The following LRIG3 variants were observed in gnomAD, a reference collection of about 807,000 sequenced individuals.
The protein encoded by LRIG3 is leucine rich repeats and immunoglobulin like domains 3, also known as leucine-rich repeats and immunoglobulin-like domains protein 3.
LRIG3 carries 76 observed loss-of-function variants against 114.5 expected under a neutral mutation model. The observed-to-expected ratio is 0.66, with a 90% CI of 0.55 to 0.80. The LOEUF is 0.80. LRIG3 is among the 30% of genes least tolerant of loss of function. LRIG3 has a pLI of 0.00. For missense variants in LRIG3, 1,239 were observed against 1,382.8 expected (o/e 0.90, Z 1.65); for synonymous variants, 512 against 519.8 (o/e 0.98, Z 0.20).
chr12:58,876,264 A>C (rs924269206), intron 16 of LRIG3, among the ~76,000 whole-genome samples, 181 bp downstream of exon 16: 2 of 152,176 alleles, frequency 1.3e-5, no homozygotes, highest in Non-Finnish European at 2.9e-5. Context: ...ACAAAGATTT[A>C]TTTCTTTCCT....
chr12:58,873,913 C>A (rs1026912866), intron 18 of LRIG3, 142 bp downstream of exon 18: 4 of 957,142 alleles, frequency 4.2e-6, no homozygotes, highest in Non-Finnish European at 6.3e-6. Flanking sequence ...GAGGCATTTA[C>A]ACTAACTAGT....
intron 8 of LRIG3, 61 bp from the exon 9 acceptor site, chr12:58,886,951 C>T (rs1871295646): frequency 9.5e-6 from 12 of 1,269,092 alleles, no homozygotes; most frequent in African/African-American, 1.5e-5. Flanking sequence ...GTATCACCAC[C>T]CAGGTGGCAT....
At chr12:58,872,865 G>C (rs370171418) in intron 18 of LRIG3, 49 bp from the exon 19 acceptor site, 3 of 1,575,648 alleles carry the variant, frequency 1.9e-6, no homozygotes, top group Non-Finnish European at 2.6e-6. Context: ...GCTAGCATGT[G>C]AATCAATAAA....
chr12:58,894,911 G>A (rs1474698789), intron 3 of LRIG3, among the ~76,000 whole-genome samples: 1 of 152,150 alleles, frequency 6.6e-6, no homozygotes, highest in African/African-American at 2.4e-5. Context: ...AATTTCTGAA[G>A]TGAAGTATAA....
At chr12:58,919,445 A>G in intron 1 of LRIG3, 1 of 1,551,640 alleles carries the variant, frequency 6.4e-7, no homozygotes, top group Non-Finnish European at 8.7e-7. Flanking sequence ...AATGTGAAAA[A>G]GCAAGCAGAG....
chr12:58,872,562 C>T lies in LRIG3; in HGVS notation c.*10G>A. On this transcript the variant is annotated 3_prime_UTR_variant, in exon 19 of 19. Coordinates refer to ENST00000320743, the MANE Select transcript of LRIG3 (RefSeq NM_153377.5). ...TAGTATGTTAAGCTTTTCCTTTGGT[C>T]TCATTCAGTCTATGTGTCCAAGTCA... The T allele has an allele frequency of 1.3e-6, 2 of 1,593,098 alleles. No individual in the cohort carries two copies. Among genetic ancestry groups the T allele is most frequent in the Non-Finnish European group, 1.7e-6 (2 of 1,167,896 alleles).
At chr12:58,914,594 G>A (rs574009769) in intron 1 of LRIG3, 1 of 390,186 alleles carries the variant, frequency 2.6e-6, no homozygotes, top group South Asian at 4.8e-5. Context: ...GGCACGTGGT[G>A]AACAGATCTT....
At position 58,874,060 on chromosome 12, in the gene LRIG3, A is replaced by G. The variant is rs774097736; in HGVS notation, c.3110T>C (p.Phe1037Ser). 2.5e-6 allele frequency: 4 copies of G among 1,614,182 alleles called. No homozygotes were observed. Among genetic ancestry groups the G allele is most frequent in the Admixed American group, 1.7e-5 (1 of 60,030 alleles). The change falls in exon 18 of 19, where the codon TTC (phenylalanine) becomes TCC (serine). Residue 1037 changes from phenylalanine (F) to serine (S), a missense_variant. By Grantham distance (155) the Phe-to-Ser change is radical (BLOSUM62 -2). Transcript: ENST00000320743. ...EPASVASSNSFMGTFGKALRR... is the reference protein window; with the variant it reads ...EPASVASSNSSMGTFGKALRR... ...TGATAACTTAATAAACTTACCCATGAAAGAATTACTCGAGGCAACCGACGC... is the reference window on the plus strand; with the variant it reads ...TGATAACTTAATAAACTTACCCATGGAAGAATTACTCGAGGCAACCGACGC...
At chr12:58,888,533 G>T (rs1170880528) in intron 6 of LRIG3, 61 bp from the exon 7 acceptor site, 1 of 1,585,694 alleles carries the variant, frequency 6.3e-7, no homozygotes, top group African/African-American at 1.3e-5. Flanking sequence ...CTCTTCAAAG[G>T]GGACATATGA....
At position 58,914,044 on chromosome 12, in the gene LRIG3, G is replaced by A. The variant is rs913608970; in HGVS notation, c.321C>T (p.Asn107=). 3.1e-6 allele frequency: 5 copies of A among 1,608,096 alleles called. No individual in the cohort carries two copies. The Admixed American group carries it at 8.4e-5, about 27-fold the overall frequency. ...GATTTGGAATGGTCTCCAATTCATT[G>A]TTGTTCAGTTTCCTACAAATGCCAA... ...LQSLREVKLN[N]NELETIPNLG... is the part of the protein sequence containing the mutation. Residue 107 remains asparagine (N), a synonymous_variant, in exon 3 of 19, where the codon AAC becomes AAT. Transcript: ENST00000320743.
chr12:58,917,401 T>C (rs1872516494), intron 1 of LRIG3, among the ~76,000 whole-genome samples: 1 of 152,228 alleles, frequency 6.6e-6, no homozygotes, highest in Non-Finnish European at 1.5e-5. Flanking sequence ...GCGCAAACTC[T>C]TGACATAAAC....
Position 58,920,206 on chromosome 12 carries a change from GGC to G in LRIG3, c.28_29del (p.Ala10ArgfsTer53). 7.1e-7 allele frequency: 1 copy of G among 1,409,154 alleles called. No individual in the cohort carries two copies. The highest frequency in any genetic ancestry group is 9.2e-7 in the Non-Finnish European group (1 of 1,092,470). 87.3% of individuals were successfully genotyped at this position (1,409,154 alleles called of 1,614,324 possible). On this transcript the variant is annotated frameshift_variant, in exon 1 of 19. Coordinates refer to ENST00000320743, the MANE Select transcript of LRIG3 (RefSeq NM_153377.5). LOFTEE classifies it high-confidence loss of function. ...CGCACAGCAGCAGCCCCAACCCCGC[GGC>G]GCGCGCACGGAGGCTCGGCGCGCTC... MSAPSLRAR[A>X]AGLGLLLCAV...
In LRIG3 at chr12:58,920,126, T is replaced by C. The variant is rs1872618983; in HGVS notation, c.110A>G (p.Gln37Arg). Residue 37 changes from glutamine to arginine, a missense_variant, in exon 1 of 19, where the codon CAG becomes CGG. By Grantham distance (43) the Gln-to-Arg change is conservative (BLOSUM62 1). Coordinates refer to ENST00000320743, the MANE Select transcript of LRIG3 (RefSeq NM_153377.5). ...GCGCTCGGCGGCTACCCCAGAGGGC[T>C]GCCCGAGTTCCCCGCGACCGCCGCT... ...SDSGGRGELGQPSGVAAERPC... is the reference protein window; with the variant it reads ...SDSGGRGELGRPSGVAAERPC... 6.5e-7 allele frequency: 1 copy of C among 1,546,896 alleles called. No homozygotes were observed. Among genetic ancestry groups the C allele is most frequent in the Non-Finnish European group, 8.7e-7 (1 of 1,146,948 alleles).
intron 15 of LRIG3, among the ~76,000 whole-genome samples, chr12:58,877,046 G>A (rs949679492): frequency 1.3e-5 from 2 of 152,068 alleles, no homozygotes; most frequent in East Asian, 1.9e-4. Context: ...ATGCACATAC[G>A]CACAGACAAC....
intron 7 of LRIG3, 59 bp from the exon 8 acceptor site, chr12:58,887,991 G>A (rs766512062): frequency 2.0e-5 from 30 of 1,527,818 alleles, no homozygotes; most frequent in Non-Finnish European, 2.6e-5. Context: ...ACAATGATTT[G>A]TTTTCCAAAA....
rs1871952914 is a variant in LRIG3 at position 58,903,663 on chromosome 12, T to TTA, written c.383+10318_383+10319insTA. Among the ~76,000 whole-genome samples, 3 of 152,098 alleles carry TTA rather than the reference T, an allele frequency of 2.0e-5. No individual in the cohort carries two copies. The South Asian group carries it at 6.2e-4, about 32-fold the overall frequency. ...CCCATGCCTATGTCCTGAATGGTAATGCCTAGGTTTTCTTCTAGGGTTTTT... is the reference window on the plus strand; with the variant it reads ...CCCATGCCTATGTCCTGAATGGTAATTAGCCTAGGTTTTCTTCTAGGGTTTTT... On this transcript the variant is annotated intron_variant, in intron 3 of 18. Transcript: ENST00000320743.
chr12:58,910,222 T>C (rs189680192), intron 3 of LRIG3, among the ~76,000 whole-genome samples: 1 of 152,180 alleles, frequency 6.6e-6, no homozygotes, highest in Admixed American at 6.5e-5. Context: ...TTATGCAATA[T>C]CTGATAAGAA....
At chr12:58,903,961 G>T (rs1232461208) in intron 3 of LRIG3, among the ~76,000 whole-genome samples, 3 of 151,930 alleles carry the variant, frequency 2.0e-5, no homozygotes, top group South Asian at 2.1e-4. Flanking sequence ...CTGTTTTGGT[G>T]ACTGTAGCCT....
At chr12:58,902,121 AAGAG>A (rs1266256418) in intron 3 of LRIG3, among the ~76,000 whole-genome samples, 5 of 151,984 alleles carry the variant, frequency 3.3e-5, no homozygotes, top group Non-Finnish European at 7.3e-5. Context: ...GAATAAGAGA[AAGAG>A]AGATTTATAC....
Sources: allele counts gnomAD v4.1 joint callset (sites outside exome capture counted in the v4.1 genomes callset), GRCh38; gene constraint gnomAD v4.1.1; transcripts MANE v1.5; gene names NCBI Gene and HGNC (gene_info 2026-07-23, HGNC 2026-07-21).